The following ASTN1 variants were observed in gnomAD, a reference collection of about 807,000 sequenced individuals.
ASTN1 encodes the protein astrotactin 1.
A neutral mutation model predicts 140.7 loss-of-function variants in ASTN1; 41 were observed. That is an observed-to-expected ratio of 0.29 (90% CI 0.23 to 0.38). The LOEUF is 0.38. ASTN1 is among the 10% of genes least tolerant of loss of function. ASTN1 has a pLI of 1.00. For synonymous variants in ASTN1, 640 were observed against 652.2 expected (o/e 0.98, Z 0.29); for missense variants, 1,479 against 1,678.8 (o/e 0.88, Z 2.08).
At chr1:176,942,291 G>A (rs1455115864) in intron 14 of ASTN1, among the ~76,000 whole-genome samples, 1 of 152,102 alleles carries the variant, frequency 6.6e-6, no homozygotes, top group Non-Finnish European at 1.5e-5. Flanking sequence ...AGAAATTGAG[G>A]CACAGAGAAG....
chr1:177,041,035 A>G (rs1200574315), intron 2 of ASTN1, among the ~76,000 whole-genome samples: 2 of 152,180 alleles, frequency 1.3e-5, no homozygotes, highest in Non-Finnish European at 2.9e-5. Flanking sequence ...ATCTCTCATC[A>G]TTAGTAGCTA....
Position 176,934,158 on chromosome 1 carries a change from T to A in ASTN1, c.2665A>T (p.Ser889Cys). ...RRLWLEYEDI[S>C]KGNSPSDESE... Reference sequence around the variant, plus strand: ...CAACAAGCATGCCACTCACCTTTACTGATGTCTTCATACTCCAGCCAGAGT... The same window carrying A: ...CAACAAGCATGCCACTCACCTTTACAGATGTCTTCATACTCCAGCCAGAGT... The change falls in exon 16 of 23, where the codon AGT becomes TGT. Residue 889 changes from serine (S) to cysteine (C), a missense_variant. Physicochemically the swap from Ser to Cys is moderately radical, Grantham distance 112. Coordinates refer to ENST00000361833, the MANE Select transcript of ASTN1 (RefSeq NM_004319.3). The A allele has an allele frequency of 6.2e-7, 1 of 1,609,590 alleles. No individual in the cohort carries two copies. Among genetic ancestry groups the A allele is most frequent in the Non-Finnish European group, 8.5e-7 (1 of 1,176,292 alleles).
chr1:177,009,105 G>A (rs1042707665), intron 8 of ASTN1, among the ~76,000 whole-genome samples: 7 of 152,170 alleles, frequency 4.6e-5, no homozygotes, highest in African/African-American at 1.7e-4. Context: ...CTAAGACCTG[G>A]GCTTGGAATC....
In ASTN1 at chr1:177,029,725, C is replaced by A; in HGVS notation, c.1029G>T (p.Leu343Phe). 6.2e-7 allele frequency: 1 copy of A among 1,612,034 alleles called. No individual in the cohort carries two copies. The highest frequency in any genetic ancestry group is 8.5e-7 in the Non-Finnish European group (1 of 1,178,932). ...NNKARAGSAF[L>F]NPEGDSGTEA... Reference sequence around the variant, plus strand: ...CTGTGCCAGAATCCCCTTCAGGGTTCAAGAAGGCGGAACCAGCTGTAATGA... The same window carrying A: ...CTGTGCCAGAATCCCCTTCAGGGTTAAAGAAGGCGGAACCAGCTGTAATGA... Residue 343 changes from leucine to phenylalanine, a missense_variant, in exon 5 of 23, where the codon TTG becomes TTT. By Grantham distance (22) the Leu-to-Phe change is conservative. This residue lies in a region of ASTN1 where 729 missense variants were observed against 860.4 expected (regional missense o/e 0.85). Coordinates refer to ENST00000361833, the MANE Select transcript of ASTN1 (RefSeq NM_004319.3).
At chr1:177,141,402 T>A (rs774052416) in intron 1 of ASTN1, among the ~76,000 whole-genome samples, 26 of 152,142 alleles carry the variant, frequency 1.7e-4, no homozygotes, top group Non-Finnish European at 1.0e-4. Flanking sequence ...TAAGGTAGCA[T>A]GCTGGTCTCT....
intron 1 of ASTN1, among the ~76,000 whole-genome samples, chr1:177,087,619 CT>C (rs1345808272): frequency 3.3e-5 from 5 of 152,172 alleles, no homozygotes; most frequent in African/African-American, 1.2e-4. Flanking sequence ...ATCCTTTCCC[CT>C]GGTTGCAATG....
intron 11 of ASTN1, among the ~76,000 whole-genome samples, chr1:176,955,514 G>A (rs910461609): frequency 2.1e-4 from 32 of 152,224 alleles, no homozygotes; most frequent in African/African-American, 7.7e-4. Context: ...CAGAAGCCAC[G>A]TGGTCCAGTG....
rs756516923 is a variant in ASTN1 at position 176,862,052 on chromosome 1, A to C, written c.*2232T>G. On this transcript the variant is annotated 3_prime_UTR_variant, in exon 23 of 23. Transcript: ENST00000361833. Reference sequence around the variant, plus strand: ...GTTCTGCACAGATATGAATAGAAGGATGGCAAAACAGTAGCAGCAAAGAGA... The same window carrying C: ...GTTCTGCACAGATATGAATAGAAGGCTGGCAAAACAGTAGCAGCAAAGAGA... The C allele has an allele frequency of 2.0e-6, 2 of 985,392 alleles. No homozygotes were observed. Among genetic ancestry groups the C allele is most frequent in the Non-Finnish European group, 2.4e-6 (2 of 829,946 alleles). 61.0% of individuals were successfully genotyped at this position (985,392 alleles called of 1,614,324 possible). A position where few individuals can be genotyped will look rare whatever the true frequency, so the allele number is the denominator to read the frequency against.
chr1:176,883,264 G>A (rs1668886938), intron 19 of ASTN1, among the ~76,000 whole-genome samples: 1 of 141,708 alleles, frequency 7.1e-6, no homozygotes. Flanking sequence ...ACAGAGTCTA[G>A]CTCTGTCACC....
chr1:176,883,049 T>C (rs941443226), intron 19 of ASTN1, 55 bp from the exon 20 acceptor site: 3 of 1,605,040 alleles, frequency 1.9e-6, no homozygotes, highest in Admixed American at 3.3e-5. Flanking sequence ...GGCCAAGCAA[T>C]GAGGAGATGG....
rs1323210832 is a variant in ASTN1 at position 176,862,633 on chromosome 1, AGT to A, written c.*1649_*1650del. 1.0e-6 allele frequency: 1 copy of A among 965,034 alleles called. No individual in the cohort carries two copies. Among genetic ancestry groups the A allele is most frequent in the African/African-American group, 1.8e-5 (1 of 56,712 alleles). 59.8% of individuals were successfully genotyped at this position (965,034 alleles called of 1,614,324 possible). A position where few individuals can be genotyped will look rare whatever the true frequency, so the allele number is the denominator to read the frequency against. ...ACAGCCTGAAATCACACTGAAACTC[AGT>A]GTGAGTTACAGTGCACAAGGGATTT... On this transcript the variant is annotated 3_prime_UTR_variant, in exon 23 of 23. Transcript: ENST00000361833.
Position 176,884,492 on chromosome 1 carries a change from T to A in ASTN1, c.3075-2A>T, listed in dbSNP as rs1668948147. On this transcript the variant is annotated splice_acceptor_variant, in intron 18 of 22. Coordinates refer to ENST00000361833, the MANE Select transcript of ASTN1 (RefSeq NM_004319.3). LOFTEE classifies it high-confidence loss of function. Reference sequence around the variant, plus strand: ...TCGTGAACCGTGGAGAGTCTCAGCCTGTGTGCAGACAGGAAGGAACATGAA... The same window carrying A: ...TCGTGAACCGTGGAGAGTCTCAGCCAGTGTGCAGACAGGAAGGAACATGAA... The A allele has an allele frequency of 6.2e-7, 1 of 1,604,792 alleles. No homozygotes were observed. Among genetic ancestry groups the A allele is most frequent in the Non-Finnish European group, 8.5e-7 (1 of 1,172,896 alleles).
At chr1:177,029,595 A>G in intron 5 of ASTN1, 39 bp downstream of exon 5, 1 of 1,596,654 alleles carries the variant, frequency 6.3e-7, no homozygotes, top group Non-Finnish European at 8.6e-7. Flanking sequence ...CCTCACTCCC[A>G]GATCCTTTAC....
Position 176,884,432 on chromosome 1 carries a change from G to C in ASTN1, c.3133C>G (p.His1045Asp), listed in dbSNP as rs752050989. The C allele has an allele frequency of 2.5e-6, 4 of 1,614,116 alleles. No homozygotes were observed. The highest frequency in any genetic ancestry group is 3.4e-6 in the Non-Finnish European group (4 of 1,179,992). The change falls in exon 19 of 23, where the codon CAC becomes GAC. Residue 1045 changes from histidine to aspartate, a missense_variant. Physicochemically the swap from His to Asp is moderately conservative, Grantham distance 81. Transcript: ENST00000361833. ...SSTLVVLEWE[H>D]SEPPIGVQIV... ...TGCACCCCGATTGGTGGCTCTGAGT[G>C]TTCCCACTCCAGGACCACAAGAGTG...
intron 1 of ASTN1, among the ~76,000 whole-genome samples, chr1:177,112,497 C>T (rs569329630): frequency 8.5e-5 from 13 of 152,146 alleles, no homozygotes; most frequent in South Asian, 2.1e-4. Flanking sequence ...ACAATCAGAC[C>T]GGGGACATTG....
At chr1:176,878,494 G>A (rs1668657460) in intron 20 of ASTN1, among the ~76,000 whole-genome samples, 1 of 151,924 alleles carries the variant, frequency 6.6e-6, no homozygotes, top group Non-Finnish European at 1.5e-5. Context: ...ACCCCTAGCA[G>A]TGGCAGTCAT....
Position 177,069,677 on chromosome 1 carries a change from G to C in ASTN1, c.284-8412C>G, listed in dbSNP as rs570527899. 5.9e-5 allele frequency among the ~76,000 whole-genome samples: 9 copies of C among 152,242 alleles called. No homozygotes were observed. In the East Asian group the frequency reaches 1.7e-3, roughly 29 times the overall value. ...TAGCCATGGAGATGAAAACATTCCT[G>C]TGGGGGAAAAATGCAGCCAAAAGGT... On this transcript the variant is annotated intron_variant, in intron 1 of 22. Transcript: ENST00000361833.
chr1:177,037,877 T>C (rs576194702), intron 2 of ASTN1, among the ~76,000 whole-genome samples: 1 of 152,330 alleles, frequency 6.6e-6, no homozygotes, highest in East Asian at 1.9e-4. Flanking sequence ...AATCAATAAA[T>C]CATTTCTACT....
At chr1:176,991,473 A>G in intron 8 of ASTN1, among the ~76,000 whole-genome samples, 1 of 148,708 alleles carries the variant, frequency 6.7e-6, no homozygotes, top group African/African-American at 2.5e-5. Flanking sequence ...CAACAAAACA[A>G]AAAGAAACGC....
Sources: gnomAD v4.1 joint callset for allele counts (sites outside exome capture counted in the v4.1 genomes callset) on GRCh38, gnomAD v4.1.1 for gene constraint, gnomAD v4.1.1 regional missense constraint, MANE v1.5 for transcripts, NCBI Gene and HGNC (gene_info 2026-07-23, HGNC 2026-07-21) for gene names.